ANK3: variants seen among roughly 807,000 people sequenced by gnomAD.
The protein encoded by ANK3 is ankyrin-3.
ANK3 carries 57 observed loss-of-function variants against 370.9 expected under a neutral mutation model. The ratio of observed to expected loss-of-function variants is 0.15; its 90% CI spans 0.12 to 0.19. ANK3 has a LOEUF of 0.19. ANK3 is among the 10% of genes least tolerant of loss of function. The pLI is 1.00. For synonymous variants in ANK3, 1,929 were observed against 1,946.3 expected, an observed-to-expected ratio of 0.99 and a Z score of 0.23; for missense variants, 4,439 against 5,302.1, an observed-to-expected ratio of 0.84 and a Z score of 5.06.
chr10:60,711,777 T>C (rs969444538), intron 1 of ANK3, among the ~76,000 whole-genome samples: 4 of 152,170 alleles, frequency 2.6e-5, no homozygotes, highest in Non-Finnish European at 5.9e-5. Flanking sequence ...AGACATATTA[T>C]ATCTAAATTG....
rs778071089 is a variant in ANK3 at position 60,196,547 on chromosome 10, A to T, written c.1768T>A (p.Ser590Thr). Residue 590 changes from serine to threonine, a missense_variant, in exon 15 of 44, where the codon TCT (serine) becomes ACT (threonine). Ser to Thr is a moderately conservative substitution (Grantham distance 58, BLOSUM62 1). Coordinates refer to ENST00000280772, the MANE Select transcript of ANK3 (RefSeq NM_020987.5). ...VANLLLQKSA[S>T]PDAAGKSGLT... Reference sequence around the variant, plus strand: ...CTTACCTTCCCAGCAGCATCTGGAGATGCACTTTTCTGTAGCAGGAGATTG... The same window carrying T: ...CTTACCTTCCCAGCAGCATCTGGAGTTGCACTTTTCTGTAGCAGGAGATTG... The T allele has an allele frequency of 1.2e-6, 2 of 1,613,304 alleles. No homozygotes were observed. The highest frequency in any genetic ancestry group is 2.2e-5 in the South Asian group (2 of 91,040).
intron 1 of ANK3, among the ~76,000 whole-genome samples, chr10:60,676,182 C>A (rs115209286): frequency 4.6e-5 from 7 of 152,082 alleles, no homozygotes; most frequent in Non-Finnish European, 1.0e-4. Context: ...GTTGATGTTG[C>A]AATTTTTAAA....
At chr10:60,442,537 C>T (rs769736214) in intron 2 of ANK3, among the ~76,000 whole-genome samples, 6 of 151,886 alleles carry the variant, frequency 4.0e-5, no homozygotes, top group Non-Finnish European at 7.4e-5. Context: ...TGTTTTTTCC[C>T]GAATATTTTC....
intron 37 of ANK3, 138 bp from the exon 38 acceptor site, chr10:60,068,147 G>A (rs1353061811): frequency 1.4e-6 from 1 of 691,014 alleles, no homozygotes; most frequent in African/African-American, 1.8e-5. Flanking sequence ...TCACCTACAT[G>A]AACACTTCTT....
intron 1 of ANK3, among the ~76,000 whole-genome samples, chr10:60,684,147 T>C (rs1438407329): frequency 1.3e-5 from 2 of 152,274 alleles, no homozygotes; most frequent in Middle Eastern, 3.4e-3. Flanking sequence ...AAAGAAAACA[T>C]GAATAATAAT....
chr10:60,264,087 T>A, intron 5 of ANK3, 67 bp from the exon 6 acceptor site: 1 of 1,373,366 alleles, frequency 7.3e-7, no homozygotes, highest in Non-Finnish European at 9.9e-7. Flanking sequence ...AATTAACAAA[T>A]AAGAAGGCAA....
At chr10:60,661,053 G>A (rs1405171617) in intron 1 of ANK3, among the ~76,000 whole-genome samples, 4 of 151,732 alleles carry the variant, frequency 2.6e-5, no homozygotes, top group Admixed American at 2.6e-4. Flanking sequence ...TTCTAAGTGG[G>A]TAAGTAAAAT....
intron 2 of ANK3, among the ~76,000 whole-genome samples, chr10:60,444,606 A>G (rs1382044224): frequency 6.6e-6 from 1 of 152,050 alleles, no homozygotes; most frequent in Non-Finnish European, 1.5e-5. Flanking sequence ...TCTAAAATAC[A>G]AGGCTTTCCA....
At chr10:60,484,450 T>A (rs373895655) in intron 2 of ANK3, among the ~76,000 whole-genome samples, 1 of 152,196 alleles carries the variant, frequency 6.6e-6, no homozygotes, top group Non-Finnish European at 1.5e-5. Flanking sequence ...TAAAGTCCTA[T>A]CTATTAGAGA....
intron 1 of ANK3, among the ~76,000 whole-genome samples, chr10:60,666,461 C>T (rs113186068): frequency 4.6e-5 from 7 of 152,174 alleles, no homozygotes; most frequent in African/African-American, 1.2e-4. Flanking sequence ...ATTAAGTCAG[C>T]GTAACATCCA....
chr10:60,524,793 G>A (rs1595204330), intron 2 of ANK3, among the ~76,000 whole-genome samples: 2 of 151,964 alleles, frequency 1.3e-5, no homozygotes, highest in East Asian at 3.9e-4. Flanking sequence ...AACTTGATTT[G>A]TCATAAACTC....
chr10:60,444,507 T>C (rs1408752333), intron 2 of ANK3, among the ~76,000 whole-genome samples: 1 of 151,736 alleles, frequency 6.6e-6, no homozygotes, highest in Non-Finnish European at 1.5e-5. Flanking sequence ...AAAGTGGCTA[T>C]TAACACTTAA....
intron 1 of ANK3, among the ~76,000 whole-genome samples, chr10:60,308,599 T>A (rs955928695): frequency 6.6e-6 from 1 of 152,070 alleles, no homozygotes; most frequent in Non-Finnish European, 1.5e-5. Context: ...GGATGTCTGT[T>A]GTTGGGACCA....
intron 23 of ANK3, among the ~76,000 whole-genome samples, chr10:60,142,792 A>G (rs1323449308): frequency 6.6e-6 from 1 of 152,186 alleles, no homozygotes; most frequent in African/African-American, 2.4e-5. Flanking sequence ...TGGTGAGAAC[A>G]TTTCTTAAAA....
chr10:60,293,223 G>T (rs2041831407), intron 1 of ANK3, among the ~76,000 whole-genome samples: 1 of 152,068 alleles, frequency 6.6e-6, no homozygotes, highest in African/African-American at 2.4e-5. Context: ...CCTCCTGGAG[G>T]GATCCGCTGG....
At chr10:60,423,218 C>T (rs1424476819) in intron 2 of ANK3, among the ~76,000 whole-genome samples, 1 of 152,082 alleles carries the variant, frequency 6.6e-6, no homozygotes, top group Non-Finnish European at 1.5e-5. Context: ...CCAAAGAAGA[C>T]AATCACTTCC....
At chr10:60,101,132 T>C (rs951619897) in intron 28 of ANK3, among the ~76,000 whole-genome samples, 17 of 152,318 alleles carry the variant, frequency 1.1e-4, no homozygotes, top group Admixed American at 8.5e-4. Context: ...AAATTAATAA[T>C]GAGATATGTA....
chr10:60,471,896 G>T (rs1031903006), intron 2 of ANK3, among the ~76,000 whole-genome samples: 4 of 151,688 alleles, frequency 2.6e-5, no homozygotes, highest in Non-Finnish European at 5.9e-5. Context: ...TTCCTATACC[G>T]CAAATAAAGG....
intron 9 of ANK3, among the ~76,000 whole-genome samples, chr10:60,211,224 A>G (rs1034465276): frequency 6.6e-6 from 1 of 152,150 alleles, no homozygotes; most frequent in African/African-American, 2.4e-5. Flanking sequence ...AAGTCAGGTA[A>G]CTGCCTCCTG....
Sources: allele counts gnomAD v4.1 joint callset (sites outside exome capture counted in the v4.1 genomes callset), GRCh38; gene constraint gnomAD v4.1.1; transcripts MANE v1.5; gene names NCBI Gene and HGNC (gene_info 2026-07-23, HGNC 2026-07-21).